The following MXI1 variants were observed in gnomAD, a reference collection of about 807,000 sequenced individuals.
The protein encoded by MXI1 is MAX interactor 1, dimerization protein.
A neutral mutation model predicts 36.9 loss-of-function variants in MXI1; 18 were observed. The observed-to-expected ratio is 0.49, with a 90% CI of 0.34 to 0.72. The LOEUF (loss-of-function observed/expected upper bound fraction) is 0.72. Among genes scored for constraint, MXI1 ranks in the 30% least tolerant of loss-of-function variants. The pLI, the probability that MXI1 is intolerant of heterozygous loss-of-function variation, is 0.01. For synonymous variants in MXI1, 160 were observed against 146.7 expected (o/e 1.09, Z -0.65); for missense variants, 304 against 379.1 (o/e 0.80, Z 1.64).
intron 1 of MXI1, chr10:110,226,091 G>C (rs1446118894): frequency 1.8e-6 from 2 of 1,117,766 alleles, no homozygotes; most frequent in Non-Finnish European, 2.2e-6. Context: ...CCGCGGCCGA[G>C]CTGGCCCGCC....
chr10:110,255,055 G>C (rs1245422758), intron 3 of MXI1, among the ~76,000 whole-genome samples: 1 of 152,316 alleles, frequency 6.6e-6, no homozygotes, highest in Non-Finnish European at 1.5e-5. Flanking sequence ...TCATAGAGAA[G>C]GGAAGTCGAT....
intron 5 of MXI1, 72 bp from the exon 6 acceptor site, chr10:110,284,752 C>A: frequency 7.4e-7 from 1 of 1,343,428 alleles, no homozygotes; most frequent in Non-Finnish European, 1.0e-6. Flanking sequence ...CTCTTTTCCT[C>A]ATGCTGTTAG....
At chr10:110,254,111 T>C (rs1466722990) in intron 3 of MXI1, among the ~76,000 whole-genome samples, 1 of 152,154 alleles carries the variant, frequency 6.6e-6, no homozygotes, top group Non-Finnish European at 1.5e-5. Context: ...TATTGCACTT[T>C]GCAGATACTG....
chr10:110,250,774 A>G lies in MXI1; in HGVS notation c.437+5917A>G, dbSNP rs139896143. On this transcript the variant is annotated intron_variant, in intron 3 of 5. Coordinates refer to ENST00000332674, the MANE Select transcript of MXI1 (RefSeq NM_130439.3). ...TTGAACCTGGGAGGTAGAGGTTGCA[A>G]TGAGCCAAGATCACACCACTGCATT... Among the ~76,000 whole-genome samples, 628 of 150,600 alleles carry G rather than the reference A, an allele frequency of 4.2e-3. 7 individuals are homozygous for G. Among genetic ancestry groups the G allele is most frequent in the African/African-American group, 0.015 (604 of 41,072 alleles).
chr10:110,260,416 GGTGTGT>G (rs151334728), intron 3 of MXI1, among the ~76,000 whole-genome samples: 18,900 of 144,506 alleles, frequency 0.13, 1,528 homozygotes, highest in Admixed American at 0.27. Context: ...CCTTGATACA[GGTGTGT>G]GTGTGTGTGT....
At chr10:110,221,182 C>G (rs77276839) in intron 1 of MXI1, among the ~76,000 whole-genome samples, 1 of 152,136 alleles carries the variant, frequency 6.6e-6, no homozygotes, top group Admixed American at 6.5e-5. Flanking sequence ...AATGCAACTT[C>G]GTCTTGATAT....
At chr10:110,232,250 G>T (rs1038784484) in intron 2 of MXI1, among the ~76,000 whole-genome samples, 1 of 152,136 alleles carries the variant, frequency 6.6e-6, no homozygotes, top group Non-Finnish European at 1.5e-5. Flanking sequence ...GTGACCCACC[G>T]CACTTGGCCA....
At chr10:110,252,023 A>T (rs534633866) in intron 3 of MXI1, among the ~76,000 whole-genome samples, 3 of 152,250 alleles carry the variant, frequency 2.0e-5, no homozygotes, top group African/African-American at 4.8e-5. Flanking sequence ...CAAAGCATTT[A>T]AAAAAGTACA....
intron 3 of MXI1, among the ~76,000 whole-genome samples, chr10:110,247,630 C>A (rs1263815926): frequency 1.3e-5 from 2 of 152,160 alleles, no homozygotes. Flanking sequence ...AAATGCAAAT[C>A]AAAACCACAA....
intron 3 of MXI1, among the ~76,000 whole-genome samples, chr10:110,252,378 C>T (rs1856125928): frequency 6.6e-6 from 1 of 152,120 alleles, no homozygotes; most frequent in Non-Finnish European, 1.5e-5. Flanking sequence ...ACCACTCTAT[C>T]CCTTCTGTAG....
intron 3 of MXI1, among the ~76,000 whole-genome samples, chr10:110,247,817 C>G (rs553970961): frequency 6.6e-6 from 1 of 152,224 alleles, no homozygotes; most frequent in South Asian, 2.1e-4. Flanking sequence ...ACTAGAAATA[C>G]CATTTGACCC....
chr10:110,214,535 A>G (rs1473441805), intron 1 of MXI1, among the ~76,000 whole-genome samples: 1 of 152,078 alleles, frequency 6.6e-6, no homozygotes, highest in Admixed American at 6.5e-5. Flanking sequence ...GCCTTTTGAA[A>G]AAAAAACCCA....
chr10:110,220,350 A>G (rs1158340216), intron 1 of MXI1, among the ~76,000 whole-genome samples: 1 of 152,240 alleles, frequency 6.6e-6, no homozygotes, highest in Non-Finnish European at 1.5e-5. Context: ...GGACAATCCC[A>G]GCTTCCTCAA....
intron 3 of MXI1, among the ~76,000 whole-genome samples, chr10:110,266,599 C>G (rs11195056): frequency 6.6e-6 from 1 of 152,182 alleles, no homozygotes; most frequent in Non-Finnish European, 1.5e-5. Flanking sequence ...AGTTCCTTAG[C>G]CCTCCATAAT....
At position 110,287,055 on chromosome 10, in the gene MXI1, G is replaced by A. The variant is rs1432328077; in HGVS notation, c.*2068G>A. 1.3e-5 allele frequency: 2 copies of A among 152,218 alleles called. No individual in the cohort carries two copies. Among genetic ancestry groups the A allele is most frequent in the Non-Finnish European group, 2.9e-5 (2 of 68,036 alleles). 9.4% of individuals were successfully genotyped at this position (152,218 alleles called of 1,614,324 possible). ...TTTGAAGACTGTGCTACCATACAAA[G>A]TGAATGAAGCCAGTGACTAAGCTTC... On this transcript the variant is annotated 3_prime_UTR_variant, in exon 6 of 6. Transcript: ENST00000332674.
Position 110,207,947 on chromosome 10 carries a change from C to G in MXI1, c.139C>G (p.Pro47Ala). The G allele has an allele frequency of 6.3e-7, 1 of 1,589,904 alleles. No individual in the cohort carries two copies. The highest frequency in any genetic ancestry group is 8.6e-7 in the Non-Finnish European group (1 of 1,169,200). The change falls in exon 1 of 6, where the codon CCC (proline) becomes GCC (alanine). Residue 47 changes from proline (P) to alanine (A), a missense_variant. Coordinates refer to ENST00000332674, the MANE Select transcript of MXI1 (RefSeq NM_130439.3). The part of the protein sequence containing the change: ...ALPEDPAGAK[P>A]RCPFSDIFNT... ...GCCCGAGGACCCCGCTGGGGCCAAG[C>G]CCAGGTGCCCCTTCTCAGACATTTT... is the stretch of plus-strand genomic sequence containing the variant.
intron 2 of MXI1, among the ~76,000 whole-genome samples, chr10:110,240,872 TC>T (rs1421885870): frequency 6.6e-6 from 1 of 152,038 alleles, no homozygotes; most frequent in African/African-American, 2.4e-5. Flanking sequence ...GCTCATTAAT[TC>T]TGCAAAATTA....
At chr10:110,249,047 G>T (rs1357833125) in intron 3 of MXI1, among the ~76,000 whole-genome samples, 1 of 152,084 alleles carries the variant, frequency 6.6e-6, no homozygotes, top group African/African-American at 2.4e-5. Flanking sequence ...CCCCCATCCA[G>T]TTCTGTTTAA....
intron 3 of MXI1, among the ~76,000 whole-genome samples, chr10:110,248,086 A>G (rs1053822814): frequency 6.6e-5 from 10 of 152,218 alleles, no homozygotes; most frequent in African/African-American, 2.2e-4. Context: ...TCAGCAAACT[A>G]TCGCAAGGAC....
Sources: gnomAD v4.1 joint callset for allele counts (sites outside exome capture counted in the v4.1 genomes callset) on GRCh38, gnomAD v4.1.1 for gene constraint, MANE v1.5 for transcripts, NCBI Gene and HGNC (gene_info 2026-07-23, HGNC 2026-07-21) for gene names.